The following ADGRV1 variants were observed in gnomAD, a reference collection of about 807,000 sequenced individuals.
ADGRV1 encodes G-protein coupled receptor 98.
In ADGRV1, 359 loss-of-function variants were observed where a neutral mutation model predicts 596.2. The observed-to-expected ratio is 0.60, with a 90% CI of 0.55 to 0.66. The LOEUF (loss-of-function observed/expected upper bound fraction) is 0.66, where lower values mean the gene tolerates loss of function less well. Ranked by LOEUF, ADGRV1 falls within the 30% of genes least tolerant of loss-of-function variation. The probability of loss-of-function intolerance (pLI) is 0.00; values close to 1 mark genes in which losing one functional copy is unlikely to be tolerated. For synonymous variants in ADGRV1, 2,681 were observed against 2,679.2 expected, an observed-to-expected ratio of 1.00 and a Z score of -0.02; for missense variants, 7,274 against 7,575.6, an observed-to-expected ratio of 0.96 and a Z score of 1.48.
chr5:90,780,600 A>ACT (rs1223386746), intron 64 of ADGRV1, among the ~76,000 whole-genome samples: 4 of 152,320 alleles, frequency 2.6e-5, no homozygotes, highest in African/African-American at 9.6e-5. Context: ...ACAGAAGTAA[A>ACT]CTACCATCTA....
rs764448609 is a variant in ADGRV1, at chr5:90,725,149, G to A, written c.9970G>A (p.Val3324Met). ...TAATATTGGTTTTTCTCCCTACTTTGTGATTACTCATGAAGAAAGAAATGA... is the reference window on the plus strand; with the variant it reads ...TAATATTGGTTTTTCTCCCTACTTTATGATTACTCATGAAGAAAGAAATGA... ...AFNIGFSPYF[V>M]ITHEERNEEK... The change falls in exon 47 of 90, where the codon GTG becomes ATG. Residue 3324 changes from valine to methionine, a missense_variant. Around this residue, in one of 5 missense-constraint regions of ADGRV1, gnomAD observed 3,643 missense variants for 3,809.2 expected, o/e 0.96. Coordinates refer to ENST00000405460, the MANE Select transcript of ADGRV1 (RefSeq NM_032119.4). 1.9e-6 allele frequency: 3 copies of A among 1,547,628 alleles called. No individual in the cohort carries two copies. The highest frequency in any genetic ancestry group is 2.4e-5 in the South Asian group (2 of 82,878).
intron 42 of ADGRV1, among the ~76,000 whole-genome samples, chr5:90,715,579 C>T (rs558967650): frequency 6.6e-6 from 1 of 151,898 alleles, no homozygotes; most frequent in Admixed American, 6.5e-5. Context: ...TTGTGATTTT[C>T]TTCATATAGG....
intron 52 of ADGRV1, 65 bp from the exon 53 acceptor site, chr5:90,750,486 C>CA (rs1356067882): frequency 1.4e-6 from 2 of 1,398,532 alleles, no homozygotes; most frequent in South Asian, 1.4e-5. Context: ...TAACATGAGA[C>CA]AAAAAAAGAA....
chr5:91,072,166 A>G (rs1788445258), intron 85 of ADGRV1, among the ~76,000 whole-genome samples: 1 of 152,136 alleles, frequency 6.6e-6, no homozygotes, highest in Admixed American at 6.5e-5. Context: ...TATGAGATGT[A>G]TATAGTGTGC....
intron 85 of ADGRV1, among the ~76,000 whole-genome samples, chr5:91,018,215 A>G (rs902110310): frequency 6.6e-6 from 1 of 151,958 alleles, no homozygotes; most frequent in Non-Finnish European, 1.5e-5. Flanking sequence ...AATGTCCTAC[A>G]GGCAATCCCA....
intron 86 of ADGRV1, among the ~76,000 whole-genome samples, chr5:91,085,049 G>A (rs556184750): frequency 2.6e-5 from 4 of 152,082 alleles, no homozygotes; most frequent in Non-Finnish European, 4.4e-5. Flanking sequence ...TGGACACAGG[G>A]TGGGGAACAT....
At chr5:90,735,048 T>G (rs1181160443) in intron 50 of ADGRV1, among the ~76,000 whole-genome samples, 6 of 152,346 alleles carry the variant, frequency 3.9e-5, no homozygotes, top group African/African-American at 1.4e-4. Flanking sequence ...GCAATCCCAT[T>G]TGTCTATTTT....
intron 1 of ADGRV1, among the ~76,000 whole-genome samples, chr5:90,605,959 AC>A (rs1466345180): frequency 1.3e-5 from 2 of 152,226 alleles, no homozygotes; most frequent in Non-Finnish European, 2.9e-5. Flanking sequence ...AAGTACTTGC[AC>A]TTTTATAGGA....
At chr5:90,788,863 G>GACACACACACAC in intron 68 of ADGRV1, among the ~76,000 whole-genome samples, 1 of 147,034 alleles carries the variant, frequency 6.8e-6, no homozygotes, top group African/African-American at 2.5e-5. Flanking sequence ...CACAGACACA[G>GACACACACACAC]ACACACACAC....
chr5:91,014,136 C>CCACACACACACACACA (rs70973720), intron 85 of ADGRV1, among the ~76,000 whole-genome samples: 12 of 35,638 alleles, frequency 3.4e-4, no homozygotes, highest in Admixed American at 7.3e-4. Flanking sequence ...TTCACAATTG[C>CCACACACACACACACA]CACACACACA....
At chr5:90,622,488 G>A in intron 4 of ADGRV1, 109 bp from the exon 5 acceptor site, 1 of 429,918 alleles carries the variant, frequency 2.3e-6, no homozygotes, top group Non-Finnish European at 4.2e-6. Flanking sequence ...ATCGTACAGT[G>A]TGGATTGATG....
chr5:90,900,231 T>C (rs1771715312), intron 83 of ADGRV1, among the ~76,000 whole-genome samples: 1 of 152,132 alleles, frequency 6.6e-6, no homozygotes, highest in East Asian at 1.9e-4. Context: ...AAAGTAGTAT[T>C]TGAGAATTTT....
rs572165980 is a variant in ADGRV1 at position 91,057,584 on chromosome 5, C to G, written c.18153-14863C>G. ...ACTCTGCTGTTCCTATTTTATTTCA[C>G]TGCCCTGAAATCCTGTTGTTGAAAC... On this transcript the variant is annotated intron_variant, in intron 85 of 89. Coordinates refer to ENST00000405460, the MANE Select transcript of ADGRV1 (RefSeq NM_032119.4). Among the ~76,000 whole-genome samples, 8 of 152,344 alleles carry G rather than the reference C, an allele frequency of 5.3e-5. No homozygotes were observed. The East Asian group carries it at 1.5e-3, about 29-fold the overall frequency.
chr5:90,637,929 G>T lies in ADGRV1; in HGVS notation c.2221G>T (p.Val741Leu). The change falls in exon 11 of 90, where the codon GTA (valine) becomes TTA (leucine). Residue 741 changes from valine to leucine, a missense_variant. By Grantham distance (32) the Val-to-Leu change is conservative (BLOSUM62 1). This residue lies in a region of ADGRV1 where 1,715 missense variants were observed against 1,708.8 expected (regional missense o/e 1.00). Coordinates refer to ENST00000405460, the MANE Select transcript of ADGRV1 (RefSeq NM_032119.4). ...TGACATACCGGAAATGAATGAAACTGTAACACTTTCTCTAGACAGGTAATA... is the reference window on the plus strand; with the variant it reads ...TGACATACCGGAAATGAATGAAACTTTAACACTTTCTCTAGACAGGTAATA... ...GDDIPEMNETVTLSLDRVNVE... is the reference protein window; with the variant it reads ...GDDIPEMNETLTLSLDRVNVE... 6.2e-7 allele frequency: 1 copy of T among 1,611,984 alleles called. No homozygotes were observed. The highest frequency in any genetic ancestry group is 2.2e-5 in the East Asian group (1 of 44,844).
rs771222609 is a variant in ADGRV1, at chr5:90,685,978, C to G, written c.6473C>G (p.Pro2158Arg). 1.9e-6 allele frequency: 3 copies of G among 1,580,684 alleles called. No individual in the cohort carries two copies. In the East Asian group the frequency reaches 6.8e-5, roughly 36 times the overall value. The change falls in exon 29 of 90, where the codon CCA (proline) becomes CGA (arginine). Residue 2158 changes from proline (P) to arginine (R), a missense_variant. Coordinates refer to ENST00000405460, the MANE Select transcript of ADGRV1 (RefSeq NM_032119.4). ...ADVSVKFKAVPITAIAGEDYS... is the reference protein window; with the variant it reads ...ADVSVKFKAVRITAIAGEDYS... ...GTCTCTGTGAAGTTTAAAGCTGTGC[C>G]AATAACTGCAATAGCTGGTAAGAAA... is the stretch of plus-strand genomic sequence containing the variant.
At chr5:90,698,662 G>A (rs1487183281) in intron 34 of ADGRV1, among the ~76,000 whole-genome samples, 5 of 152,140 alleles carry the variant, frequency 3.3e-5, no homozygotes, top group Admixed American at 2.6e-4. Context: ...ATGGACATTG[G>A]TTAAAGATGA....
intron 78 of ADGRV1, chr5:90,846,409 G>GT (rs2150378081): frequency 6.4e-6 from 1 of 156,466 alleles, no homozygotes; most frequent in South Asian, 2.0e-4. Context: ...AGGTAATGGA[G>GT]TAAGTGGCTT....
At chr5:90,994,763 G>T (rs146590305) in intron 85 of ADGRV1, among the ~76,000 whole-genome samples, 1 of 152,052 alleles carries the variant, frequency 6.6e-6, no homozygotes, top group Non-Finnish European at 1.5e-5. Context: ...ATTTAATTTC[G>T]TATATCTATA....
intron 83 of ADGRV1, among the ~76,000 whole-genome samples, chr5:90,960,510 A>G (rs1777917826): frequency 6.6e-6 from 1 of 152,228 alleles, no homozygotes; most frequent in African/African-American, 2.4e-5. Flanking sequence ...GTTTTCGAAG[A>G]CATTAAAATT....
Sources: allele counts gnomAD v4.1 joint callset (sites outside exome capture counted in the v4.1 genomes callset), GRCh38; gene constraint gnomAD v4.1.1; regional missense constraint gnomAD v4.1.1; transcripts MANE v1.5; gene names NCBI Gene and HGNC (gene_info 2026-07-23, HGNC 2026-07-21).